CTNNA3: variants seen among roughly 807,000 people sequenced by gnomAD.
CTNNA3 encodes catenin alpha-3.
Under a neutral mutation model 95.7 loss-of-function variants are expected in CTNNA3, and 76 were observed. The ratio of observed to expected loss-of-function variants is 0.79; its 90% CI spans 0.66 to 0.96. The LOEUF (loss-of-function observed/expected upper bound fraction) is 0.96. Among genes scored for constraint, CTNNA3 ranks in the 40% least tolerant of loss-of-function variants. The pLI, the probability that CTNNA3 is intolerant of heterozygous loss-of-function variation, is 0.00. For missense variants in CTNNA3, 1,191 were observed against 1,089.8 expected (o/e 1.09, Z -1.31); for synonymous variants, 431 against 374.4 (o/e 1.15, Z -1.74).
intron 5 of CTNNA3, among the ~76,000 whole-genome samples, chr10:67,383,202 C>T (rs575326217): frequency 4.7e-4 from 72 of 152,144 alleles, no homozygotes; most frequent in Non-Finnish European, 5.9e-4. Context: ...TGTTAATGTA[C>T]TAGGTGATTT....
At position 65,966,233 on chromosome 10, in the gene CTNNA3, G is replaced by A. The variant is rs966818141; in HGVS notation, c.2400+379C>T. Among the ~76,000 whole-genome samples the A allele has an allele frequency of 9.9e-5, 15 of 152,212 alleles. No individual in the cohort carries two copies. In the South Asian group the frequency reaches 1.2e-3, roughly 13 times the overall value. On this transcript the variant is annotated intron_variant, in intron 17 of 17. Transcript: ENST00000433211. ...AAAATGAATATCAATTAATAGCAGC[G>A]AAGCAATCATTTTATTAATTTGCAA...
At chr10:67,324,660 T>C (rs1206423789) in intron 5 of CTNNA3, among the ~76,000 whole-genome samples, 1 of 152,178 alleles carries the variant, frequency 6.6e-6, no homozygotes, top group Non-Finnish European at 1.5e-5. Flanking sequence ...TGAGGATTTT[T>C]GCATCAATGT....
Position 66,971,340 on chromosome 10 carries a change from C to T in CTNNA3, c.1048-195816G>A, listed in dbSNP as rs1427453316. On this transcript the variant is annotated intron_variant, in intron 7 of 17. Coordinates refer to ENST00000433211, the MANE Select transcript of CTNNA3 (RefSeq NM_013266.4). ...ACTCAGGAGGCTGAGGCAGAAGAATCGCTTGAACCCGGGAGGCGGAGGTTG... is the reference window on the plus strand; with the variant it reads ...ACTCAGGAGGCTGAGGCAGAAGAATTGCTTGAACCCGGGAGGCGGAGGTTG... Among the ~76,000 whole-genome samples the T allele has an allele frequency of 3.3e-5, 5 of 151,994 alleles. 1 individual carries two copies. The highest frequency in any genetic ancestry group is 2.1e-4 in the South Asian group (1 of 4,814).
At chr10:67,588,152 C>T (rs111773623) in intron 3 of CTNNA3, among the ~76,000 whole-genome samples, 5,169 of 150,680 alleles carry the variant, frequency 0.034, 325 homozygotes, top group African/African-American at 0.12. Context: ...TTGCATCTCA[C>T]CGAGCTTCCT....
intron 10 of CTNNA3, among the ~76,000 whole-genome samples, chr10:66,539,625 C>A (rs61869367): frequency 1.2e-3 from 179 of 152,194 alleles, no homozygotes; most frequent in Middle Eastern, 3.4e-3. Context: ...ATGCTTGAGG[C>A]CTTTTACCTT....
At chr10:66,220,424 C>T (rs1266222798) in intron 13 of CTNNA3, among the ~76,000 whole-genome samples, 1 of 152,106 alleles carries the variant, frequency 6.6e-6, no homozygotes, top group Admixed American at 6.5e-5. Flanking sequence ...CTTCTGGGCG[C>T]CAGCAGGGGC....
intron 5 of CTNNA3, among the ~76,000 whole-genome samples, chr10:67,283,232 T>G (rs1049913132): frequency 6.6e-6 from 1 of 152,078 alleles, no homozygotes; most frequent in Non-Finnish European, 1.5e-5. Context: ...CAGGTGATGG[T>G]AAGGTGGTTG....
chr10:67,198,492 C>G (rs1863481559), intron 6 of CTNNA3, among the ~76,000 whole-genome samples: 1 of 152,084 alleles, frequency 6.6e-6, no homozygotes, highest in Non-Finnish European at 1.5e-5. Context: ...TATAGAGATA[C>G]TGAGCATCAG....
chr10:67,359,330 G>A (rs1842921241), intron 5 of CTNNA3, among the ~76,000 whole-genome samples: 1 of 151,250 alleles, frequency 6.6e-6, no homozygotes, highest in African/African-American at 2.4e-5. Flanking sequence ...AAAAAAGTCA[G>A]AGTGTTTCCT....
At chr10:67,193,904 G>C (rs1031671782) in intron 6 of CTNNA3, among the ~76,000 whole-genome samples, 3 of 152,078 alleles carry the variant, frequency 2.0e-5, no homozygotes, top group Non-Finnish European at 4.4e-5. Context: ...TTTCCACAAT[G>C]GTTGAACTAA....
chr10:67,647,583 T>A, intron 1 of CTNNA3, 65 bp from the exon 2 acceptor site: 1 of 1,325,598 alleles, frequency 7.5e-7, no homozygotes, highest in Non-Finnish European at 1.1e-6. Context: ...AGAACACTTA[T>A]GAAATCATGG....
At chr10:66,378,418 T>A (rs894851737) in intron 12 of CTNNA3, among the ~76,000 whole-genome samples, 14 of 152,154 alleles carry the variant, frequency 9.2e-5, no homozygotes, top group Admixed American at 3.3e-4. Flanking sequence ...TTTCACAAAT[T>A]CACAAAGGGT....
intron 7 of CTNNA3, among the ~76,000 whole-genome samples, chr10:67,119,106 A>C (rs1364233702): frequency 6.6e-6 from 1 of 152,006 alleles, no homozygotes; most frequent in African/African-American, 2.4e-5. Context: ...ATGTGTGTTC[A>C]TATTAGCTCT....
At chr10:66,548,990 T>A in intron 10 of CTNNA3, among the ~76,000 whole-genome samples, 1 of 34,572 alleles carries the variant, frequency 2.9e-5, no homozygotes, top group Non-Finnish European at 6.6e-5. Context: ...TTTTTTTTTT[T>A]TTTTTTTTTT....
chr10:67,744,944 C>A (rs1481321574), intron 1 of CTNNA3, among the ~76,000 whole-genome samples: 2 of 151,924 alleles, frequency 1.3e-5, no homozygotes, highest in African/African-American at 4.8e-5. Flanking sequence ...AAATGCAAAT[C>A]AAAACCACAA....
chr10:66,191,215 T>C (rs1346613804), intron 13 of CTNNA3, among the ~76,000 whole-genome samples: 1 of 152,122 alleles, frequency 6.6e-6, no homozygotes, highest in African/African-American at 2.4e-5. Context: ...TAAATTCTCT[T>C]GAGAAGAGAG....
chr10:67,564,236 A>T (rs1841660072), intron 3 of CTNNA3, among the ~76,000 whole-genome samples: 1 of 149,634 alleles, frequency 6.7e-6, no homozygotes, highest in Non-Finnish European at 1.5e-5. Flanking sequence ...AAGACTTGAA[A>T]CCAACCCAAA....
At chr10:67,234,624 A>G (rs1244670227) in intron 5 of CTNNA3, among the ~76,000 whole-genome samples, 1 of 151,746 alleles carries the variant, frequency 6.6e-6, no homozygotes, top group Admixed American at 6.6e-5. Flanking sequence ...GCCCTCTCTC[A>G]CCACTCCTAT....
chr10:66,461,261 G>T (rs555054778), intron 11 of CTNNA3, among the ~76,000 whole-genome samples: 3 of 152,150 alleles, frequency 2.0e-5, no homozygotes. Context: ...GATGAGTTAT[G>T]GATAGTCAGA....
Sources: allele counts gnomAD v4.1 joint callset (sites outside exome capture counted in the v4.1 genomes callset), GRCh38; gene constraint gnomAD v4.1.1; transcripts MANE v1.5; gene names NCBI Gene and HGNC (gene_info 2026-07-23, HGNC 2026-07-21).